UBL5: variants seen among roughly 807,000 people sequenced by gnomAD.
UBL5 encodes ubiquitin-like protein 5.
Under a neutral mutation model 11.7 loss-of-function variants are expected in UBL5, and 13 were observed. The observed-to-expected ratio is 1.11, with a 90% CI of 0.73 to 1.77. UBL5 has a LOEUF of 1.77. Ranked by LOEUF, UBL5 falls within the 40% of genes most tolerant of loss-of-function variation. The probability of loss-of-function intolerance (pLI) is 0.00; values close to 1 mark genes in which losing one functional copy is unlikely to be tolerated. For synonymous variants in UBL5, 28 were observed against 34.7 expected (o/e 0.81, Z 0.68); for missense variants, 58 against 92.3 (o/e 0.63, Z 1.52).
At chr19:9,829,719 A>T in intron 4 of UBL5, 1 of 472,066 alleles carries the variant, frequency 2.1e-6, no homozygotes, top group Non-Finnish European at 3.8e-6. Flanking sequence ...CTGGTCTCAA[A>T]CTCCTGACGT....
At position 9,828,316 on chromosome 19, in the gene UBL5, G is replaced by A; in HGVS notation, c.-11-11G>A. 1.3e-6 allele frequency: 1 copy of A among 761,254 alleles called. No individual in the cohort carries two copies. Among genetic ancestry groups the A allele is most frequent in the Non-Finnish European group, 2.1e-6 (1 of 467,752 alleles). 47.2% of individuals were successfully genotyped at this position (761,254 alleles called of 1,614,324 possible). ...CTTTGCTGCCTCCCACCCACCCCCC[G>A]CTTTGTGTAGCTCCAGCTAGGATGA... On this transcript the variant is annotated splice_polypyrimidine_tract_variant and intron_variant, in intron 1 of 4. Coordinates refer to ENST00000586895, the MANE Select transcript of UBL5 (RefSeq NM_001048241.3).
rs766967644 is a variant in UBL5 at position 9,828,845 on chromosome 19, T to G, written c.149T>G (p.Ile50Ser). 6.2e-7 allele frequency: 1 copy of G among 1,614,206 alleles called. No individual in the cohort carries two copies. The highest frequency in any genetic ancestry group is 8.5e-7 in the Non-Finnish European group (1 of 1,180,026). Reference sequence around the variant, plus strand: ...ATGTCTCTTTTTCTTAGGTACACGATTTTTAAGGACCACGTGTCTCTGGGG... The same window carrying G: ...ATGTCTCTTTTTCTTAGGTACACGAGTTTTAAGGACCACGTGTCTCTGGGG... Reference protein sequence around the residue: ...NKIVLKKWYTIFKDHVSLGDY... With the variant: ...NKIVLKKWYTSFKDHVSLGDY... The change falls in exon 4 of 5, where the codon ATT (isoleucine) becomes AGT (serine). Residue 50 changes from isoleucine to serine, a missense_variant. Ile to Ser is a moderately radical substitution (Grantham distance 142). Transcript: ENST00000586895.
chr19:9,828,273 A>G (rs1310718069), intron 1 of UBL5, 54 bp from the exon 2 acceptor site: 1 of 1,549,628 alleles, frequency 6.5e-7, no homozygotes, highest in Non-Finnish European at 8.9e-7. Flanking sequence ...TGGGCCTGGG[A>G]GACGCCTGAA....
intron 1 of UBL5, 42 bp downstream of exon 1, chr19:9,828,026 G>A (rs2046033595): frequency 2.0e-6 from 1 of 494,346 alleles, no homozygotes. Context: ...GGAGAAAGCT[G>A]TCGCGACCCA....
At chr19:9,828,779 T>G (rs764715694) in intron 3 of UBL5, 58 bp from the exon 4 acceptor site, 94 of 1,611,780 alleles carry the variant, frequency 5.8e-5, no homozygotes, top group Non-Finnish European at 7.3e-5. Context: ...CTACCTCATT[T>G]GGCCTACAGA....
At position 9,828,648 on chromosome 19, in the gene UBL5, G is replaced by C; in HGVS notation, c.113G>C (p.Arg38Pro). The stretch of plus-strand genomic sequence containing the variant: ...CTGATTGCAGCCCAAACTGGTACCC[G>C]TTGGAACAAGATTGTCCTGAAGAAG... ...KKLIAAQTGT[R>P]WNKIVLKKWY... is the part of the protein sequence containing the mutation. Residue 38 changes from arginine to proline, a missense_variant, in exon 3 of 5, where the codon CGT becomes CCT. Coordinates refer to ENST00000586895, the MANE Select transcript of UBL5 (RefSeq NM_001048241.3). 1 of 1,614,202 alleles carries C rather than the reference G, an allele frequency of 6.2e-7. No individual in the cohort carries two copies. The highest frequency in any genetic ancestry group is 8.5e-7 in the Non-Finnish European group (1 of 1,180,020).
Position 9,827,945 on chromosome 19 carries a change from T to A in UBL5, c.-51T>A. ...CTGCGACCGGGGTTCAGCGCTCGGGTGAGGAGCTGGTGGCGTCGGCAGGTT... is the reference window on the plus strand; with the variant it reads ...CTGCGACCGGGGTTCAGCGCTCGGGAGAGGAGCTGGTGGCGTCGGCAGGTT... On this transcript the variant is annotated 5_prime_UTR_variant, in exon 1 of 5. Transcript: ENST00000586895. The A allele has an allele frequency of 3.3e-6, 1 of 302,286 alleles. No homozygotes were observed. Among genetic ancestry groups the A allele is most frequent in the East Asian group, 7.5e-5 (1 of 13,372 alleles). 18.7% of individuals were successfully genotyped at this position (302,286 alleles called of 1,614,324 possible).
At position 9,828,884 on chromosome 19, in the gene UBL5, G is replaced by A. The variant is rs1312051591; in HGVS notation, c.178+10G>A. On this transcript the variant is annotated intron_variant, in intron 4 of 4. Transcript: ENST00000586895. ...GTGTCTCTGGGGGACTGTATCCTTT[G>A]TGTGACTTTTTGAGGAAGCATCTAC... 3.1e-6 allele frequency: 5 copies of A among 1,614,116 alleles called. No individual in the cohort carries two copies. Among genetic ancestry groups the A allele is most frequent in the Non-Finnish European group, 4.2e-6 (5 of 1,179,946 alleles).
chr19:9,828,551 C>G, intron 2 of UBL5, 41 bp from the exon 3 acceptor site: 1 of 1,613,266 alleles, frequency 6.2e-7, no homozygotes, highest in Middle Eastern at 1.7e-4. Context: ...TCCTCTTCCT[C>G]GTTCTACCGC....
intron 1 of UBL5, 47 bp downstream of exon 1, chr19:9,828,031 G>T: frequency 2.0e-6 from 1 of 496,488 alleles, no homozygotes; most frequent in Non-Finnish European, 3.6e-6. Flanking sequence ...AAGCTGTCGC[G>T]ACCCAGCCAC....
At chr19:9,829,001 C>G in intron 4 of UBL5, 127 bp downstream of exon 4, 1 of 904,692 alleles carries the variant, frequency 1.1e-6, no homozygotes, top group South Asian at 1.4e-5. Context: ...ATGGTGAGCA[C>G]TTAGAAAATG....
intron 2 of UBL5, 49 bp from the exon 3 acceptor site, chr19:9,828,543 C>G (rs760757983): frequency 1.9e-6 from 3 of 1,612,622 alleles, no homozygotes; most frequent in Non-Finnish European, 2.5e-6. Flanking sequence ...CTAGAATGTC[C>G]TCTTCCTCGT....
At chr19:9,828,950 T>G (rs963019818) in intron 4 of UBL5, 76 bp downstream of exon 4, 8 of 1,406,010 alleles carry the variant, frequency 5.7e-6, no homozygotes, top group African/African-American at 1.4e-5. Context: ...AAAGTCTGCA[T>G]GAGCTTATGC....
At chr19:9,829,855 G>A in intron 4 of UBL5, 110 bp from the exon 5 acceptor site, 1 of 1,232,690 alleles carries the variant, frequency 8.1e-7, no homozygotes, top group Non-Finnish European at 1.2e-6. Context: ...GTCCAAAATG[G>A]GCTTCCTTAG....
In UBL5 at chr19:9,828,313, C is replaced by G. The variant is rs1235902939; in HGVS notation, c.-11-14C>G. 1 of 1,610,618 alleles carries G rather than the reference C, an allele frequency of 6.2e-7. No individual in the cohort carries two copies. The highest frequency in any genetic ancestry group is 1.7e-5 in the Admixed American group (1 of 59,998). ...TGACTTTGCTGCCTCCCACCCACCC[C>G]CCGCTTTGTGTAGCTCCAGCTAGGA... On this transcript the variant is annotated splice_polypyrimidine_tract_variant and intron_variant, in intron 1 of 4. Transcript: ENST00000586895.
intron 4 of UBL5, 85 bp from the exon 5 acceptor site, chr19:9,829,880 C>G: frequency 6.5e-7 from 1 of 1,544,018 alleles, no homozygotes; most frequent in Non-Finnish European, 8.9e-7. Context: ...GGGCTGAGAC[C>G]TCAGGCCACC....
intron 3 of UBL5, 29 bp downstream of exon 3, chr19:9,828,704 G>A: frequency 6.2e-7 from 1 of 1,613,974 alleles, no homozygotes; most frequent in Non-Finnish European, 8.5e-7. Context: ...CCACTGGGTG[G>A]ACTGGACTAG....
At chr19:9,829,232 G>T (rs1023180822) in intron 4 of UBL5, 1 of 223,780 alleles carries the variant, frequency 4.5e-6, no homozygotes, top group African/African-American at 2.3e-5. Flanking sequence ...CGCCCAGGCT[G>T]GAGTGCAGTG....
Position 9,830,029 on chromosome 19 carries a change from G to A in UBL5, c.*21G>A. 1 of 1,613,778 alleles carries A rather than the reference G, an allele frequency of 6.2e-7. No individual in the cohort carries two copies. Among genetic ancestry groups the A allele is most frequent in the Non-Finnish European group, 8.5e-7 (1 of 1,179,838 alleles). ...AATAGATGAGAATCCTCATCTTCCTGCCCCGCTTTCCTCTCCCATCCTCAT... is the reference window on the plus strand; with the variant it reads ...AATAGATGAGAATCCTCATCTTCCTACCCCGCTTTCCTCTCCCATCCTCAT... On this transcript the variant is annotated 3_prime_UTR_variant, in exon 5 of 5. Coordinates refer to ENST00000586895, the MANE Select transcript of UBL5 (RefSeq NM_001048241.3).
Sources: allele counts gnomAD v4.1 joint callset, GRCh38; gene constraint gnomAD v4.1.1; transcripts MANE v1.5; gene names NCBI Gene and HGNC (gene_info 2026-07-23, HGNC 2026-07-21).